CRTAM: variants seen among roughly 807,000 people sequenced by gnomAD.
CRTAM encodes the protein cytotoxic and regulatory T cell molecule.
CRTAM carries 44 observed loss-of-function variants against 50.0 expected under a neutral mutation model. The ratio of observed to expected loss-of-function variants is 0.88; its 90% CI spans 0.69 to 1.13. The LOEUF is 1.13. Among genes scored for constraint, CRTAM ranks in the 50% most tolerant of loss-of-function variants. The pLI is 0.00. For synonymous variants in CRTAM, 159 were observed against 169.3 expected, an observed-to-expected ratio of 0.94 and a Z score of 0.47; for missense variants, 448 against 457.5, an observed-to-expected ratio of 0.98 and a Z score of 0.19.
At chr11:122,867,102 C>T (rs7941607) in intron 7 of CRTAM, among the ~76,000 whole-genome samples, 113,617 of 152,064 alleles carry the variant, frequency 0.75, 43,348 homozygotes, top group Middle Eastern at 0.91. Context: ...CTGACTATAA[C>T]TTAAGTCGAT....
chr11:122,851,752 G>C lies in CRTAM; in HGVS notation c.253G>C (p.Val85Leu). The change falls in exon 3 of 10, where the codon GTG (valine) becomes CTG (leucine). Residue 85 changes from valine to leucine, a missense_variant. By Grantham distance (32) the Val-to-Leu change is conservative. Transcript: ENST00000227348. ...HHSANQLSIT[V>L]PNVTLQDEGV... ...CTCGGCCAATCAGCTCTCCATCACT[G>C]TGCCTAACGTAACCCTGCAAGATGA... 3 of 1,614,066 alleles carry C rather than the reference G, an allele frequency of 1.9e-6. No homozygotes were observed. The East Asian group carries it at 6.7e-5, about 36-fold the overall frequency.
chr11:122,847,607 T>C lies in CRTAM; in HGVS notation c.47-2461T>C, dbSNP rs1020668827. Among the ~76,000 whole-genome samples, 29 of 152,308 alleles carry C rather than the reference T, an allele frequency of 1.9e-4. 1 individual carries two copies. Among genetic ancestry groups the C allele is most frequent in the Admixed American group, 1.5e-3 (23 of 15,286 alleles). ...ATGTTACAGCTCAAGAGTGAAACCC[T>C]GGGCTTAATAGAACAAGGAAGTCCA... On this transcript the variant is annotated intron_variant, in intron 1 of 9. Coordinates refer to ENST00000227348, the MANE Select transcript of CRTAM (RefSeq NM_019604.4).
chr11:122,841,424 A>T (rs1042759041), intron 1 of CRTAM, among the ~76,000 whole-genome samples: 6 of 148,486 alleles, frequency 4.0e-5, no homozygotes, highest in Admixed American at 4.0e-4. Context: ...TTTTTGAGAC[A>T]GAGTCTTGCT....
At chr11:122,855,163 C>T (rs1986554) in intron 4 of CRTAM, among the ~76,000 whole-genome samples, 30,849 of 152,066 alleles carry the variant, frequency 0.2, 3,628 homozygotes, top group Admixed American at 0.36. Context: ...AGGCTGGTCT[C>T]GAACCCCTGA....
intron 5 of CRTAM, among the ~76,000 whole-genome samples, chr11:122,858,967 A>G (rs925120674): frequency 4.8e-4 from 73 of 152,312 alleles, no homozygotes; most frequent in African/African-American, 1.6e-3. Context: ...AATAATCGAG[A>G]ACCCCAAAGA....
intron 6 of CRTAM, 161 bp from the exon 7 acceptor site, chr11:122,864,475 C>T: frequency 1.8e-6 from 1 of 555,208 alleles, no homozygotes; most frequent in Non-Finnish European, 3.2e-6. Context: ...TAGCCATTTG[C>T]AATTATGTTT....
rs1353838679 is a variant in CRTAM, at chr11:122,851,560, G to A, written c.194-133G>A. On this transcript the variant is annotated intron_variant, in intron 2 of 9. Transcript: ENST00000227348. ...ATGATCTTACCTTCCCGTGGAGATA[G>A]GACAATGTCTGGAGATAGTTTTGAT... 4.0e-5 allele frequency: 32 copies of A among 796,712 alleles called. No homozygotes were observed. In the East Asian group the frequency reaches 7.7e-4, roughly 19 times the overall value. The allele number at this position is 796,712 out of a possible 1,614,324, so 49.4% of individuals were successfully genotyped here.
intron 9 of CRTAM, among the ~76,000 whole-genome samples, chr11:122,868,438 G>C (rs1292615944): frequency 6.6e-6 from 1 of 152,036 alleles, no homozygotes; most frequent in Admixed American, 6.6e-5. Flanking sequence ...GCTGCCAGGA[G>C]AGAGGAGGGA....
At chr11:122,844,760 A>T (rs528720890) in intron 1 of CRTAM, among the ~76,000 whole-genome samples, 95 of 152,372 alleles carry the variant, frequency 6.2e-4, no homozygotes, top group African/African-American at 2.2e-3. Context: ...AACAGTAAGC[A>T]TCACAATGCT....
intron 5 of CRTAM, 90 bp downstream of exon 5, chr11:122,855,946 T>C: frequency 9.4e-7 from 1 of 1,063,398 alleles, no homozygotes; most frequent in Non-Finnish European, 1.4e-6. Flanking sequence ...GGCAGAGTCC[T>C]TCAGATTAAG....
chr11:122,861,475 G>A (rs61709273), intron 5 of CRTAM, among the ~76,000 whole-genome samples: 1,971 of 120,286 alleles, frequency 0.016, 55 homozygotes, highest in African/African-American at 0.06. Flanking sequence ...TCGCTCTGTC[G>A]CCCAGGCTTG....
Position 122,854,041 on chromosome 11 carries a change from C to T in CRTAM, c.445C>T (p.Pro149Ser). 1 of 1,614,068 alleles carries T rather than the reference C, an allele frequency of 6.2e-7. No individual in the cohort carries two copies. The highest frequency in any genetic ancestry group is 8.5e-7 in the Non-Finnish European group (1 of 1,179,972). The change falls in exon 4 of 10, where the codon CCT becomes TCT. Residue 149 changes from proline (P) to serine (S), a missense_variant. By Grantham distance (74) the Pro-to-Ser change is moderately conservative (BLOSUM62 -1). Transcript: ENST00000227348. The part of the protein sequence containing the change: ...LMCSTMRSKP[P>S]PQITWLLGNS... ...GTGCTCCACCATGAGAAGCAAGCCC[C>T]CTCCGCAGATAACCTGGCTACTTGG...
At chr11:122,865,873 A>G (rs1469697004) in intron 7 of CRTAM, among the ~76,000 whole-genome samples, 1 of 152,156 alleles carries the variant, frequency 6.6e-6, no homozygotes, top group Non-Finnish European at 1.5e-5. Flanking sequence ...CGTATATAAA[A>G]TCAGTCAATT....
At chr11:122,862,666 C>A in intron 6 of CRTAM, 122 bp downstream of exon 6, 1 of 639,632 alleles carries the variant, frequency 1.6e-6, no homozygotes, top group Non-Finnish European at 2.7e-6. Context: ...CCATACAGGC[C>A]CCTCCAACTG....
In CRTAM at chr11:122,870,149, T is replaced by C. The variant is rs116729662; in HGVS notation, c.1052-1120T>C. Among the ~76,000 whole-genome samples the C allele has an allele frequency of 6.4e-3, 977 of 152,210 alleles. 8 individuals carry two copies. The highest frequency in any genetic ancestry group is 0.023 in the African/African-American group (935 of 41,520). On this transcript the variant is annotated intron_variant, in intron 9 of 9. Coordinates refer to ENST00000227348, the MANE Select transcript of CRTAM (RefSeq NM_019604.4). Reference sequence around the variant, plus strand: ...AGGCTGGAGTGCCATGGTGCCATCATAGGTCACTGCAGCCTTGACCTTTCG... The same window carrying C: ...AGGCTGGAGTGCCATGGTGCCATCACAGGTCACTGCAGCCTTGACCTTTCG...
intron 2 of CRTAM, among the ~76,000 whole-genome samples, chr11:122,851,282 AAG>A (rs1413680591): frequency 2.0e-5 from 3 of 151,882 alleles, no homozygotes; most frequent in African/African-American, 7.3e-5. Context: ...AAAAAAAAAA[AAG>A]TTATGCTTTG....
intron 2 of CRTAM, 92 bp from the exon 3 acceptor site, chr11:122,851,601 A>G (rs1591350757): frequency 1.8e-6 from 2 of 1,115,772 alleles, no homozygotes; most frequent in East Asian, 4.7e-5. Flanking sequence ...CAAATGTAGA[A>G]AGCGGGGCAG....
intron 4 of CRTAM, 61 bp from the exon 5 acceptor site, chr11:122,855,634 A>G: frequency 6.7e-7 from 1 of 1,485,734 alleles, no homozygotes; most frequent in Non-Finnish European, 9.3e-7. Context: ...ATTGGCCTCT[A>G]ATAGAACCAA....
At chr11:122,847,135 T>C (rs1304192182) in intron 1 of CRTAM, among the ~76,000 whole-genome samples, 3 of 152,228 alleles carry the variant, frequency 2.0e-5, no homozygotes, top group African/African-American at 7.2e-5. Flanking sequence ...CTCTATGAGA[T>C]GAATACTATT....
Sources: gnomAD v4.1 joint callset for allele counts (sites outside exome capture counted in the v4.1 genomes callset) on GRCh38, gnomAD v4.1.1 for gene constraint, MANE v1.5 for transcripts, NCBI Gene and HGNC (gene_info 2026-07-23, HGNC 2026-07-21) for gene names.